The following UBR3 variants were observed in gnomAD, a reference collection of about 807,000 sequenced individuals.
UBR3 encodes E3 ubiquitin-protein ligase UBR3.
A neutral mutation model predicts 243.2 loss-of-function variants in UBR3; 85 were observed. The ratio of observed to expected loss-of-function variants is 0.35; its 90% CI spans 0.29 to 0.42. The LOEUF is 0.42. Among genes scored for constraint, UBR3 ranks in the 10% least tolerant of loss-of-function variants. The pLI is 1.00. For synonymous variants in UBR3, 748 were observed against 799.8 expected, an observed-to-expected ratio of 0.94 and a Z score of 1.09; for missense variants, 1,686 against 2,300.8, an observed-to-expected ratio of 0.73 and a Z score of 5.47.
At chr2:170,037,058 C>G (rs898614882) in intron 31 of UBR3, among the ~76,000 whole-genome samples, 1 of 152,078 alleles carries the variant, frequency 6.6e-6, no homozygotes, top group Non-Finnish European at 1.5e-5. Context: ...GGAATTCATT[C>G]TCACCTGTAG....
Position 169,946,353 on chromosome 2 carries a change from A to G in UBR3, c.2871A>G (p.Leu957=), listed in dbSNP as rs1173271148. 5.3e-6 allele frequency: 8 copies of G among 1,506,272 alleles called. No individual in the cohort carries two copies. In the Admixed American group the frequency reaches 1.7e-4, roughly 32 times the overall value. The allele number at this position is 1,506,272 out of a possible 1,614,324, so 93.3% of individuals were successfully genotyped here. Residue 957 remains leucine (L), a synonymous_variant, in exon 21 of 39, where the codon TTA becomes TTG. Coordinates refer to ENST00000272793, the MANE Select transcript of UBR3 (RefSeq NM_172070.4). Reference sequence around the variant, plus strand: ...GCATGGTTTTATATCTGATTGAATTAGGACTTGAAAATTCTGCTGAAGAAG... The same window carrying G: ...GCATGGTTTTATATCTGATTGAATTGGGACTTGAAAATTCTGCTGAAGAAG... ...VLCMVLYLIE[L]GLENSAEEES...
intron 26 of UBR3, among the ~76,000 whole-genome samples, chr2:169,995,029 T>C (rs1051491867): frequency 2.6e-5 from 4 of 152,302 alleles, no homozygotes; most frequent in South Asian, 2.1e-4. Flanking sequence ...CAGCCACTTA[T>C]GACTGTGAAC....
At chr2:170,075,387 A>G (rs1230446292) in intron 36 of UBR3, among the ~76,000 whole-genome samples, 1 of 152,172 alleles carries the variant, frequency 6.6e-6, no homozygotes, top group East Asian at 1.9e-4. Context: ...AGGCAGGGAA[A>G]AAAGTGATGA....
At chr2:170,050,935 G>C (rs10930392) in intron 32 of UBR3, among the ~76,000 whole-genome samples, 107,570 of 152,050 alleles carry the variant, frequency 0.71, 39,071 homozygotes, top group East Asian at 0.88. Flanking sequence ...ATTCCAAAAT[G>C]CACAGATACT....
rs555649662 is a variant in UBR3 at position 170,024,266 on chromosome 2, A to G, written c.4454-5080A>G. On this transcript the variant is annotated intron_variant, in intron 30 of 38. Transcript: ENST00000272793. ...CTACTGGGGAGGCTGAGGCAGGAGA[A>G]TTGCTTGAATCCGGGAGCTGGAGTT... is the stretch of plus-strand genomic sequence containing the variant. Among the ~76,000 whole-genome samples, 96 of 143,670 alleles carry G rather than the reference A, an allele frequency of 6.7e-4. 1 individual carries two copies. The highest frequency in any genetic ancestry group is 2.4e-3 in the African/African-American group (93 of 38,310). The allele number at this position is 143,670 out of a possible 152,430, so 94.3% of individuals were successfully genotyped here.
chr2:169,887,403 C>A (rs2084144682), intron 5 of UBR3, among the ~76,000 whole-genome samples: 1 of 152,154 alleles, frequency 6.6e-6, no homozygotes, highest in African/African-American at 2.4e-5. Flanking sequence ...AACCTTAGCT[C>A]CACATCATGA....
rs990215466 is a variant in UBR3 at position 169,876,158 on chromosome 2, A to G, written c.844+209A>G. ...GAGTGCAGTGGCGCAATCTCGGCTC[A>G]CTGCAAGCTCCGCCTCCTGGGTTCA... On this transcript the variant is annotated intron_variant, in intron 3 of 38. Coordinates refer to ENST00000272793, the MANE Select transcript of UBR3 (RefSeq NM_172070.4). Among the ~76,000 whole-genome samples the G allele has an allele frequency of 1.0e-4, 15 of 146,640 alleles. No homozygotes were observed. The South Asian group carries it at 1.9e-3, about 19-fold the overall frequency.
At chr2:169,878,453 TCTCA>T in intron 4 of UBR3, 68 bp from the exon 5 acceptor site, 2 of 1,410,838 alleles carry the variant, frequency 1.4e-6, no homozygotes, top group Non-Finnish European at 2.0e-6. Context: ...TATTTGTATT[TCTCA>T]GAATAATTTG....
At chr2:169,840,248 A>T (rs1344889240) in intron 1 of UBR3, among the ~76,000 whole-genome samples, 5 of 151,434 alleles carry the variant, frequency 3.3e-5, no homozygotes, top group Non-Finnish European at 1.5e-5. Context: ...CTTTCCCCCC[A>T]CCTCCCTCTG....
At chr2:170,005,395 C>T (rs2089877783) in intron 27 of UBR3, among the ~76,000 whole-genome samples, 1 of 152,084 alleles carries the variant, frequency 6.6e-6, no homozygotes, top group African/African-American at 2.4e-5. Flanking sequence ...AGTTTGAGTG[C>T]AGAATTGGAG....
chr2:170,045,084 A>C (rs1444645223), intron 32 of UBR3, among the ~76,000 whole-genome samples: 1 of 152,168 alleles, frequency 6.6e-6, no homozygotes, highest in Non-Finnish European at 1.5e-5. Flanking sequence ...GGGCAATTTA[A>C]AAAAGAAAGA....
At chr2:170,009,978 G>C (rs1699380410) in intron 29 of UBR3, among the ~76,000 whole-genome samples, 1 of 152,136 alleles carries the variant, frequency 6.6e-6, no homozygotes, top group African/African-American at 2.4e-5. Context: ...AATGGAACCA[G>C]ATTTAGAATA....
chr2:169,957,753 T>C (rs1384583549), intron 23 of UBR3, among the ~76,000 whole-genome samples: 1 of 152,110 alleles, frequency 6.6e-6, no homozygotes, highest in Non-Finnish European at 1.5e-5. Flanking sequence ...AAAAAAAATA[T>C]TCTTTGGAAG....
intron 30 of UBR3, among the ~76,000 whole-genome samples, chr2:170,027,999 A>G (rs1408829723): frequency 2.0e-5 from 3 of 151,948 alleles, no homozygotes; most frequent in Non-Finnish European, 4.4e-5. Flanking sequence ...AATCAATGTA[A>G]CATAATGCCT....
chr2:169,830,805 G>A (rs1338281263), intron 1 of UBR3, among the ~76,000 whole-genome samples: 1 of 151,882 alleles, frequency 6.6e-6, no homozygotes, highest in Non-Finnish European at 1.5e-5. Flanking sequence ...CTTGGACTGG[G>A]TTAGCATTTA....
At chr2:169,975,598 T>C (rs554981434) in intron 24 of UBR3, among the ~76,000 whole-genome samples, 1 of 152,310 alleles carries the variant, frequency 6.6e-6, no homozygotes, top group South Asian at 2.1e-4. Flanking sequence ...TGATATCTAA[T>C]ATTTGCTTTG....
chr2:170,058,459 T>TTTTTTC (rs374744246), intron 33 of UBR3, among the ~76,000 whole-genome samples: 22 of 151,970 alleles, frequency 1.4e-4, no homozygotes, highest in South Asian at 2.1e-4. Context: ...ATTTCTTTTC[T>TTTTTTC]TTTTTCTTTT....
intron 30 of UBR3, among the ~76,000 whole-genome samples, chr2:170,025,521 A>G (rs372989178): frequency 4.6e-5 from 7 of 152,194 alleles, no homozygotes; most frequent in African/African-American, 1.7e-4. Context: ...TAAGAAATAA[A>G]CCTGAAAAAG....
intron 18 of UBR3, among the ~76,000 whole-genome samples, chr2:169,932,653 T>C (rs2086179639): frequency 6.6e-6 from 1 of 152,200 alleles, no homozygotes; most frequent in African/African-American, 2.4e-5. Context: ...GAAGTAAACT[T>C]TTCTGGTGAG....
Sources: allele counts gnomAD v4.1 joint callset (sites outside exome capture counted in the v4.1 genomes callset), GRCh38; gene constraint gnomAD v4.1.1; transcripts MANE v1.5; gene names NCBI Gene and HGNC (gene_info 2026-07-23, HGNC 2026-07-21).